The following STAB2 variants were observed in gnomAD, a reference collection of about 807,000 sequenced individuals.
STAB2 encodes stabilin 2, also known as stabilin-2.
Under a neutral mutation model 338.1 loss-of-function variants are expected in STAB2, and 288 were observed. The observed-to-expected ratio is 0.85, with a 90% CI of 0.77 to 0.94. The LOEUF is 0.94. Ranked by LOEUF, STAB2 falls within the 40% of genes least tolerant of loss-of-function variation. The pLI, the probability that STAB2 is intolerant of heterozygous loss-of-function variation, is 0.00. For missense variants in STAB2, 3,141 were observed against 3,210.1 expected (o/e 0.98, Z 0.52); for synonymous variants, 1,202 against 1,193.3 (o/e 1.01, Z -0.15).
chr12:103,763,498 G>A lies in STAB2; in HGVS notation c.7495G>A (p.Glu2499Lys). 6.2e-7 allele frequency: 1 copy of A among 1,614,044 alleles called. No individual in the cohort carries two copies. The highest frequency in any genetic ancestry group is 1.7e-4 in the Middle Eastern group (1 of 6,060). Reference protein sequence around the residue: ...TIGFQHFESEEDINVAALGKQ... With the variant: ...TIGFQHFESEKDINVAALGKQ... Reference sequence around the variant, plus strand: ...TGCTTGTCTTTCCAAACAGTCGGAAGAGGACATTAATGTTGCAGCTCTTGG... The same window carrying A: ...TGCTTGTCTTTCCAAACAGTCGGAAAAGGACATTAATGTTGCAGCTCTTGG... Residue 2499 changes from glutamate to lysine, a missense_variant, in exon 68 of 69, where the codon GAG (glutamate) becomes AAG (lysine). Glu to Lys is a moderately conservative substitution (Grantham distance 56). Coordinates refer to ENST00000388887, the MANE Select transcript of STAB2 (RefSeq NM_017564.10).
chr12:103,762,827 A>C (rs1036228710), intron 67 of STAB2, among the ~76,000 whole-genome samples: 4 of 152,240 alleles, frequency 2.6e-5, no homozygotes, highest in Non-Finnish European at 5.9e-5. Flanking sequence ...CAGAGGCTTT[A>C]TGCTGCAGCC....
At chr12:103,664,466 G>A (rs1161352723) in intron 18 of STAB2, among the ~76,000 whole-genome samples, 1 of 152,276 alleles carries the variant, frequency 6.6e-6, no homozygotes, top group Middle Eastern at 3.4e-3. Flanking sequence ...TTTAATCAAA[G>A]CACCTGAAAT....
chr12:103,757,048 G>T (rs1286035086), intron 63 of STAB2, among the ~76,000 whole-genome samples: 1 of 141,472 alleles, frequency 7.1e-6, no homozygotes, highest in Non-Finnish European at 1.5e-5. Flanking sequence ...ATATATTAAA[G>T]TATGTAAATA....
At chr12:103,605,934 A>G (rs1957021862) in intron 3 of STAB2, among the ~76,000 whole-genome samples, 1 of 152,024 alleles carries the variant, frequency 6.6e-6, no homozygotes, top group Non-Finnish European at 1.5e-5. Context: ...TTCAACTAAT[A>G]TGACAGCCCA....
At chr12:103,718,485 C>T (rs1048477261) in intron 44 of STAB2, among the ~76,000 whole-genome samples, 11 of 149,734 alleles carry the variant, frequency 7.3e-5, no homozygotes, top group African/African-American at 2.5e-4. Context: ...ATGCACACAT[C>T]ATTAGTTCTC....
intron 63 of STAB2, among the ~76,000 whole-genome samples, chr12:103,757,212 C>T (rs907166927): frequency 2.2e-4 from 34 of 151,816 alleles, no homozygotes; most frequent in Non-Finnish European, 8.8e-5. Flanking sequence ...CCCCAGCCTC[C>T]AGAGCAGCTG....
chr12:103,698,070 G>A (rs1034622157), intron 33 of STAB2, among the ~76,000 whole-genome samples: 10 of 152,208 alleles, frequency 6.6e-5, no homozygotes, highest in Non-Finnish European at 5.9e-5. Flanking sequence ...GGGAAGAGAA[G>A]TGAGGCTGGG....
rs192698731 is a variant in STAB2, at chr12:103,616,482, G to A, written c.332-3986G>A. Among the ~76,000 whole-genome samples, 31 of 152,324 alleles carry A rather than the reference G, an allele frequency of 2.0e-4. 1 individual carries two copies. The highest frequency in any genetic ancestry group is 7.2e-4 in the African/African-American group (30 of 41,568). ...GGGAGATAAGTTGGTTCCATGCTTG[G>A]AGGAACAGATTCAGTGGAATGTGAG... On this transcript the variant is annotated intron_variant, in intron 3 of 68. Transcript: ENST00000388887.
chr12:103,637,860 A>C, intron 7 of STAB2, among the ~76,000 whole-genome samples, 156 bp from the exon 8 acceptor site: 1 of 152,232 alleles, frequency 6.6e-6, no homozygotes, highest in East Asian at 1.9e-4. Context: ...ATGGCCATAC[A>C]TAAATCTGTC....
chr12:103,624,829 T>C (rs1427898066), intron 5 of STAB2, among the ~76,000 whole-genome samples: 1 of 151,554 alleles, frequency 6.6e-6, no homozygotes, highest in Non-Finnish European at 1.5e-5. Context: ...TCCCAGCTAC[T>C]TGGGAGGCTG....
chr12:103,631,475 G>A (rs1042598698), intron 5 of STAB2, 123 bp from the exon 6 acceptor site: 35 of 840,718 alleles, frequency 4.2e-5, no homozygotes, highest in Non-Finnish European at 6.0e-5. Flanking sequence ...ATAAAAGAGA[G>A]AGGAGCCAAA....
chr12:103,755,168 C>A, intron 61 of STAB2, 134 bp from the exon 62 acceptor site: 1 of 1,236,700 alleles, frequency 8.1e-7, no homozygotes, highest in Non-Finnish European at 1.1e-6. Flanking sequence ...TACTGTGTGC[C>A]AGGCACAGAG....
chr12:103,746,476 G>A, intron 57 of STAB2, 121 bp from the exon 58 acceptor site: 1 of 815,418 alleles, frequency 1.2e-6, no homozygotes, highest in South Asian at 1.6e-5. Flanking sequence ...CCATCTTCCT[G>A]CTGTACAGGG....
At chr12:103,705,755 C>A (rs962893766) in intron 37 of STAB2, 28 bp downstream of exon 37, 2 of 1,600,532 alleles carry the variant, frequency 1.2e-6, no homozygotes, top group Admixed American at 3.3e-5. Context: ...ATCATACTAA[C>A]TACTGCAGCA....
At chr12:103,673,685 GGT>G (rs1876049131) in intron 22 of STAB2, among the ~76,000 whole-genome samples, 1 of 152,142 alleles carries the variant, frequency 6.6e-6, no homozygotes, top group Non-Finnish European at 1.5e-5. Flanking sequence ...TCCCCTCCTG[GGT>G]GGGACAAGCA....
intron 1 of STAB2, 34 bp downstream of exon 1, chr12:103,587,591 T>G: frequency 6.4e-7 from 1 of 1,555,066 alleles, no homozygotes; most frequent in Non-Finnish European, 8.9e-7. Context: ...TTTCATTTGT[T>G]AATTGTCATG....
intron 65 of STAB2, among the ~76,000 whole-genome samples, chr12:103,760,278 T>G (rs188424896): frequency 6.6e-6 from 1 of 152,256 alleles, no homozygotes; most frequent in Non-Finnish European, 1.5e-5. Context: ...TTGTTGTTTT[T>G]TAGACAGTCT....
chr12:103,724,973 A>G lies in STAB2; in HGVS notation c.4684-2A>G, dbSNP rs1285044800. The G allele has an allele frequency of 5.0e-6, 8 of 1,613,408 alleles. No homozygotes were observed. Among genetic ancestry groups the G allele is most frequent in the Non-Finnish European group, 6.8e-6 (8 of 1,179,444 alleles). On this transcript the variant is annotated splice_acceptor_variant, in intron 44 of 68. Transcript: ENST00000388887. LOFTEE classifies it high-confidence loss of function. Reference sequence around the variant, plus strand: ...TCCCTTGCCCCTTGGCAATTTTACCAGAAAAATGGCGGCTGTAGTGAATTT... The same window carrying G: ...TCCCTTGCCCCTTGGCAATTTTACCGGAAAAATGGCGGCTGTAGTGAATTT...
intron 39 of STAB2, among the ~76,000 whole-genome samples, chr12:103,710,593 CA>C (rs1879763807): frequency 6.6e-6 from 1 of 152,098 alleles, no homozygotes; most frequent in Non-Finnish European, 1.5e-5. Context: ...GAGCAGGTTC[CA>C]GAGAAAAGGA....
Sources: allele counts gnomAD v4.1 joint callset (sites outside exome capture counted in the v4.1 genomes callset), GRCh38; gene constraint gnomAD v4.1.1; transcripts MANE v1.5; gene names NCBI Gene and HGNC (gene_info 2026-07-23, HGNC 2026-07-21).